The following TENM4 variants were observed in gnomAD, a reference collection of about 807,000 sequenced individuals.
TENM4 encodes the protein teneurin-4.
A neutral mutation model predicts 243.3 loss-of-function variants in TENM4; 82 were observed. That is an observed-to-expected ratio of 0.34 (90% CI 0.28 to 0.40). The LOEUF is 0.40. Ranked by LOEUF, TENM4 falls within the 10% of genes least tolerant of loss-of-function variation. TENM4 has a pLI of 1.00. For missense variants in TENM4, 3,138 were observed against 3,673.3 expected, an observed-to-expected ratio of 0.85 and a Z score of 3.77; for synonymous variants, 1,412 against 1,456.3, an observed-to-expected ratio of 0.97 and a Z score of 0.69.
At chr11:78,909,851 G>C (rs564293652) in intron 6 of TENM4, among the ~76,000 whole-genome samples, 2 of 152,362 alleles carry the variant, frequency 1.3e-5, no homozygotes, top group African/African-American at 4.8e-5. Context: ...GCAGGCCCAG[G>C]TGGTCACTTC....
chr11:79,018,544 G>A (rs763579182), intron 6 of TENM4, among the ~76,000 whole-genome samples: 18 of 152,068 alleles, frequency 1.2e-4, no homozygotes, highest in African/African-American at 4.1e-4. Context: ...TGTGGCAGAA[G>A]ATAGTTTTAA....
At chr11:79,008,874 C>T (rs1444013227) in intron 6 of TENM4, among the ~76,000 whole-genome samples, 1 of 152,198 alleles carries the variant, frequency 6.6e-6, no homozygotes. Context: ...ACATTTCCAT[C>T]CACCCTCCAT....
At chr11:79,276,227 G>A (rs1375057868) in intron 2 of TENM4, among the ~76,000 whole-genome samples, 18 of 152,228 alleles carry the variant, frequency 1.2e-4, no homozygotes, top group African/African-American at 4.3e-4. Flanking sequence ...TACTTATACA[G>A]TATGCTGTGG....
At chr11:79,245,638 G>C (rs1035497061) in intron 2 of TENM4, among the ~76,000 whole-genome samples, 1 of 152,092 alleles carries the variant, frequency 6.6e-6, no homozygotes, top group African/African-American at 2.4e-5. Flanking sequence ...AAGAAAGGAA[G>C]ATAGAAAAAG....
At chr11:79,379,459 C>A (rs375325665) in intron 1 of TENM4, among the ~76,000 whole-genome samples, 1 of 152,116 alleles carries the variant, frequency 6.6e-6, no homozygotes, top group African/African-American at 2.4e-5. Context: ...ATACGATTGA[C>A]GTGGTTCAGG....
chr11:79,164,852 G>T (rs1862874576), intron 3 of TENM4, among the ~76,000 whole-genome samples: 1 of 151,596 alleles, frequency 6.6e-6, no homozygotes, highest in African/African-American at 2.4e-5. Context: ...TGATTCTGAG[G>T]CCTCCCTAGC....
chr11:79,167,657 A>C (rs973240425), intron 3 of TENM4, among the ~76,000 whole-genome samples: 1 of 152,162 alleles, frequency 6.6e-6, no homozygotes, highest in Non-Finnish European at 1.5e-5. Context: ...CTCCAGGTGA[A>C]GGGGATGGGG....
At chr11:79,083,988 CAT>C (rs993293062) in intron 4 of TENM4, among the ~76,000 whole-genome samples, 6 of 151,732 alleles carry the variant, frequency 4.0e-5, no homozygotes, top group African/African-American at 1.5e-4. Flanking sequence ...TGTGTATACA[CAT>C]ATATATATGA....
chr11:78,824,554 T>G lies in TENM4; in HGVS notation c.1682-10159A>C, dbSNP rs187173181. 2.7e-5 allele frequency among the ~76,000 whole-genome samples: 4 copies of G among 149,426 alleles called. No homozygotes were observed. In the Admixed American group the frequency reaches 2.7e-4, roughly 10 times the overall value. On this transcript the variant is annotated intron_variant, in intron 12 of 33. Coordinates refer to ENST00000278550, the MANE Select transcript of TENM4 (RefSeq NM_001098816.3). ...TCTTGCTCTGTTGCCCAGGCTGGAGTGCAGTGGCACGATCTCGGCTCACTG... is the reference window on the plus strand; with the variant it reads ...TCTTGCTCTGTTGCCCAGGCTGGAGGGCAGTGGCACGATCTCGGCTCACTG...
At chr11:78,787,618 A>G (rs563012989) in intron 15 of TENM4, among the ~76,000 whole-genome samples, 20 of 152,192 alleles carry the variant, frequency 1.3e-4, no homozygotes, top group Non-Finnish European at 2.4e-4. Context: ...GGGGTGCGGG[A>G]GGGAGGCTGA....
chr11:78,668,702 A>G (rs1858226076), intron 32 of TENM4, among the ~76,000 whole-genome samples: 1 of 152,222 alleles, frequency 6.6e-6, no homozygotes, highest in Non-Finnish European at 1.5e-5. Flanking sequence ...ACTGAAATGT[A>G]CTATGAAAAT....
At chr11:79,421,876 C>A (rs1368710860) in intron 1 of TENM4, among the ~76,000 whole-genome samples, 1 of 152,054 alleles carries the variant, frequency 6.6e-6, no homozygotes, top group Non-Finnish European at 1.5e-5. Context: ...TTCATTCCCT[C>A]CTGTTGTCGG....
At chr11:78,991,608 C>T (rs1053748916) in intron 6 of TENM4, among the ~76,000 whole-genome samples, 2 of 152,204 alleles carry the variant, frequency 1.3e-5, no homozygotes, top group Non-Finnish European at 2.9e-5. Flanking sequence ...GTAAGTGGCT[C>T]AGCTCAAACC....
intron 6 of TENM4, among the ~76,000 whole-genome samples, chr11:78,938,727 T>C (rs1856834587): frequency 6.6e-6 from 1 of 152,170 alleles, no homozygotes; most frequent in Non-Finnish European, 1.5e-5. Context: ...CAGACCATCA[T>C]CTGGTAGGCC....
Position 79,060,320 on chromosome 11 carries a change from T to C in TENM4, c.493+4418A>G, listed in dbSNP as rs139527262. Among the ~76,000 whole-genome samples the C allele has an allele frequency of 6.3e-3, 963 of 152,318 alleles. 7 individuals are homozygous for C. Among genetic ancestry groups the C allele is most frequent in the Non-Finnish European group, 0.011 (742 of 68,030 alleles). ...CAGTCAATTCTGTATTTATTTTAGA[T>C]ATTAAGCAGTGACATAAAAGCTGCT... On this transcript the variant is annotated intron_variant, in intron 6 of 33. Transcript: ENST00000278550.
rs1241731040 is a variant in TENM4 at position 79,004,551 on chromosome 11, C to A, written c.493+60187G>T. Among the ~76,000 whole-genome samples, 5 of 152,108 alleles carry A rather than the reference C, an allele frequency of 3.3e-5. No individual in the cohort carries two copies. In the East Asian group the frequency reaches 9.6e-4, roughly 29 times the overall value. ...AAACTAAGGCAGAAATCAAGAAATTCTTTGAAATTAATGAGAACAAAGATA... is the reference window on the plus strand; with the variant it reads ...AAACTAAGGCAGAAATCAAGAAATTATTTGAAATTAATGAGAACAAAGATA... On this transcript the variant is annotated intron_variant, in intron 6 of 33. Coordinates refer to ENST00000278550, the MANE Select transcript of TENM4 (RefSeq NM_001098816.3).
At chr11:79,262,189 C>T (rs1855809823) in intron 2 of TENM4, among the ~76,000 whole-genome samples, 1 of 152,142 alleles carries the variant, frequency 6.6e-6, no homozygotes. Context: ...CTTGGAGGCT[C>T]AGTTTTCTCA....
intron 4 of TENM4, among the ~76,000 whole-genome samples, chr11:79,083,388 C>T (rs957003309): frequency 6.6e-6 from 1 of 152,192 alleles, no homozygotes; most frequent in East Asian, 1.9e-4. Context: ...TTATACGTTT[C>T]TCAACCCGGG....
At chr11:78,839,722 A>G (rs1276674174) in intron 12 of TENM4, among the ~76,000 whole-genome samples, 1 of 152,240 alleles carries the variant, frequency 6.6e-6, no homozygotes, top group Non-Finnish European at 1.5e-5. Flanking sequence ...ACATTTAACC[A>G]GGAACCATAA....
Sources: allele counts gnomAD v4.1 joint callset (sites outside exome capture counted in the v4.1 genomes callset), GRCh38; gene constraint gnomAD v4.1.1; transcripts MANE v1.5; gene names NCBI Gene and HGNC (gene_info 2026-07-23, HGNC 2026-07-21).